Variants in LAIR1 observed in about 807,000 individuals in gnomAD.
LAIR1 encodes the protein leukocyte associated immunoglobulin like receptor 1, also known as leukocyte-associated immunoglobulin-like receptor 1.
In LAIR1, 24 loss-of-function variants were observed where a neutral mutation model predicts 32.8. The observed-to-expected ratio is 0.73, with a 90% CI of 0.53 to 1.03. The LOEUF is 1.03. LAIR1 is among the 50% of genes least tolerant of loss of function. The pLI is 0.00. For synonymous variants in LAIR1, 150 were observed against 140.5 expected (o/e 1.07, Z -0.48); for missense variants, 355 against 347.5 (o/e 1.02, Z -0.17).
At position 54,356,201 on chromosome 19, in the gene LAIR1, C is replaced by A. The variant is rs760778161; in HGVS notation, c.664+29G>T. On this transcript the variant is annotated intron_variant, in intron 8 of 9. Transcript: ENST00000391742. ...GCACCAAGTCCCCACTTCCCCATCC[C>A]AGGCCTGTCCCTCCTCCTCCCCCTT... 8 of 1,604,358 alleles carry A rather than the reference C, an allele frequency of 5.0e-6. No individual in the cohort carries two copies. The East Asian group carries it at 8.9e-5, about 18-fold the overall frequency.
In LAIR1 at chr19:54,351,568, A is replaced by G. The variant is rs1395638918; in HGVS notation, c.*3700T>C. 6.6e-6 allele frequency: 1 copy of G among 152,222 alleles called. No individual in the cohort carries two copies. The highest frequency in any genetic ancestry group is 1.5e-5 in the Non-Finnish European group (1 of 68,040). The allele number at this position is 152,222 out of a possible 1,614,324, so 9.4% of individuals were successfully genotyped here. On this transcript the variant is annotated 3_prime_UTR_variant, in exon 10 of 10. Coordinates refer to ENST00000391742, the MANE Select transcript of LAIR1 (RefSeq NM_002287.6). ...CACTCATCACAGAAAGTTTTCAGAG[A>G]CTAACTGGCATCACCAACCAAAACA...
At chr19:54,375,627 A>G in the LAIR1 span, among the ~76,000 whole-genome samples, 1 of 152,146 alleles carries the variant, frequency 6.6e-6, no homozygotes, top group Admixed American at 6.5e-5. Flanking sequence ...TCAGACTTGA[A>G]GGAGACGGCG....
Position 54,364,266 on chromosome 19 carries a change from T to A in LAIR1, c.70+29A>T. ...CTGCCCTTGGGGTGACAGAGGGGAC[T>A]GGGAAGATGGGACGAAGGCATGACT... On this transcript the variant is annotated intron_variant, in intron 2 of 9. Transcript: ENST00000391742. The surrounding 1 kb of genome is among the most constrained non-coding windows in gnomAD (Gnocchi z 4.8). 2 of 1,605,528 alleles carry A rather than the reference T, an allele frequency of 1.2e-6. No individual in the cohort carries two copies. Among genetic ancestry groups the A allele is most frequent in the Non-Finnish European group, 1.7e-6 (2 of 1,172,744 alleles).
At chr19:54,358,037 A>G (rs879368321) in intron 4 of LAIR1, 1 of 148,754 alleles carries the variant, frequency 6.7e-6, no homozygotes, top group Admixed American at 6.7e-5. Context: ...TTAATTATGT[A>G]ATCTTGACAT....
rs566154859 is a variant in LAIR1, at chr19:54,351,879, G to A, written c.*3389C>T. 2 of 135,464 alleles carry A rather than the reference G, an allele frequency of 1.5e-5. No individual in the cohort carries two copies. The allele number at this position is 135,464 out of a possible 1,614,324, so 8.4% of individuals were successfully genotyped here. A position where few individuals can be genotyped will look rare whatever the true frequency, so the allele number is the denominator to read the frequency against. On this transcript the variant is annotated 3_prime_UTR_variant, in exon 10 of 10. Transcript: ENST00000391742. Reference sequence around the variant, plus strand: ...GTTTTACACTAAAAGGTAAAAAAAAGTTAAAAAAAAGAAAAAAAAAGTCCA... The same window carrying A: ...GTTTTACACTAAAAGGTAAAAAAAAATTAAAAAAAAGAAAAAAAAAGTCCA...
chr19:54,356,654 C>T (rs773519003), intron 5 of LAIR1, 35 bp from the exon 6 acceptor site: 1 of 1,608,386 alleles, frequency 6.2e-7, no homozygotes, highest in South Asian at 1.1e-5. Flanking sequence ...CAGCAGTGTG[C>T]ATTTATTGAG....
intron 2 of LAIR1, among the ~76,000 whole-genome samples, chr19:54,362,811 A>T (rs1569200402): frequency 6.6e-6 from 1 of 151,860 alleles, no homozygotes; most frequent in Admixed American, 6.6e-5. Context: ...AAAATGAATT[A>T]TTTTTTTTCA....
rs10423634 is a variant in LAIR1 at position 54,359,305 on chromosome 19, G to A, written c.415+717C>T. On this transcript the variant is annotated intron_variant, in intron 4 of 9. Transcript: ENST00000391742. Reference sequence around the variant, plus strand: ...GGGAGTTTCTGGTCACAGATCACAGGGGGAGATGGACAACTTGAGACCCAG... The same window carrying A: ...GGGAGTTTCTGGTCACAGATCACAGAGGGAGATGGACAACTTGAGACCCAG... Among the ~76,000 whole-genome samples the A allele has an allele frequency of 4.9e-3, 738 of 151,876 alleles. 20 individuals are homozygous for A. Among genetic ancestry groups the A allele is most frequent in the African/African-American group, 0.016 (641 of 41,156 alleles).
chr19:54,374,319 T>C (rs752480018), upstream of LAIR1, among the ~76,000 whole-genome samples: 3 of 152,110 alleles, frequency 2.0e-5, no homozygotes, highest in Admixed American at 2.0e-4. Flanking sequence ...CCCATGCACG[T>C]CTTAGCTAAC....
chr19:54,361,902 T>A (rs1296559973), intron 2 of LAIR1, among the ~76,000 whole-genome samples: 1 of 152,022 alleles, frequency 6.6e-6, no homozygotes, highest in African/African-American at 2.4e-5. Flanking sequence ...TTATCTCAAC[T>A]GGGCTTGGGG....
chr19:54,360,674 A>ATGC (rs1246002385), intron 3 of LAIR1: 2 of 559,974 alleles, frequency 3.6e-6, no homozygotes, highest in African/African-American at 3.7e-5. Flanking sequence ...AGCCCACCAG[A>ATGC]TGCTGGAGCT....
intron 4 of LAIR1, chr19:54,358,387 A>ATG: frequency 8.4e-6 from 1 of 119,400 alleles, no homozygotes; most frequent in Non-Finnish European, 1.3e-5. Flanking sequence ...TATATATATA[A>ATG]TATATATATA....
At chr19:54,363,777 G>A (rs2082132576) in intron 2 of LAIR1, among the ~76,000 whole-genome samples, 1 of 152,170 alleles carries the variant, frequency 6.6e-6, no homozygotes, top group Non-Finnish European at 1.5e-5. Context: ...GTAGAATGGT[G>A]GTTATTGGAG....
chr19:54,361,127 G>GC lies in LAIR1; in HGVS notation c.152dup (p.Val53GlyfsTer13). 1.9e-6 allele frequency: 3 copies of GC among 1,614,158 alleles called. No individual in the cohort carries two copies. The highest frequency in any genetic ancestry group is 2.5e-6 in the Non-Finnish European group (3 of 1,180,014). The stretch of plus-strand genomic sequence containing the variant: ...GGCGGAATGTTTGAACCCCAACCGG[G>GC]CCCCGGCACACGAAAGTCACATGGC... On this transcript the variant is annotated frameshift_variant, in exon 3 of 10. Coordinates refer to ENST00000391742, the MANE Select transcript of LAIR1 (RefSeq NM_002287.6). LOFTEE classifies it high-confidence loss of function.
In LAIR1 at chr19:54,363,020, G is replaced by GAA. The variant is rs79699294; in HGVS notation, c.70+1273_70+1274dup. Among the ~76,000 whole-genome samples the GAA allele has an allele frequency of 3.0e-4, 40 of 134,744 alleles. 1 individual carries two copies. The highest frequency in any genetic ancestry group is 2.8e-3 in the South Asian group (12 of 4,320). The allele number at this position is 134,744 out of a possible 152,430, so 88.4% of individuals were successfully genotyped here. On this transcript the variant is annotated intron_variant, in intron 2 of 9. Transcript: ENST00000391742. ...AAGATAAACAGGGGAAGGGCTCTGA[G>GAA]AAAAAAAAAAAAAGATTTCATCTTA...
chr19:54,366,118 G>C (rs935822530), upstream of LAIR1, among the ~76,000 whole-genome samples: 6 of 152,128 alleles, frequency 3.9e-5, no homozygotes, highest in African/African-American at 1.4e-4. Context: ...GGGCTGGGAG[G>C]AGGGGGAAAT....
chr19:54,375,033 G>T (rs1722105784), upstream of LAIR1, among the ~76,000 whole-genome samples: 1 of 152,140 alleles, frequency 6.6e-6, no homozygotes, highest in Non-Finnish European at 1.5e-5. Flanking sequence ...CTCAGCTCTG[G>T]AAGAGAAATC....
At chr19:54,365,596 G>A (rs2122596892), upstream of LAIR1, among the ~76,000 whole-genome samples, 1 of 152,282 alleles carries the variant, frequency 6.6e-6, no homozygotes, top group East Asian at 1.9e-4. Flanking sequence ...TTCGAGACCA[G>A]CCTGGCCAAC....
rs1398237902 is a variant in LAIR1 at position 54,353,909 on chromosome 19, A to T, written c.*1359T>A. 7.0e-6 allele frequency: 1 copy of T among 143,182 alleles called. No homozygotes were observed. Among genetic ancestry groups the T allele is most frequent in the African/African-American group, 2.6e-5 (1 of 39,208 alleles). 8.9% of individuals were successfully genotyped at this position (143,182 alleles called of 1,614,324 possible). On this transcript the variant is annotated 3_prime_UTR_variant, in exon 10 of 10. Coordinates refer to ENST00000391742, the MANE Select transcript of LAIR1 (RefSeq NM_002287.6). ...CACCACACCCGGCTAATTTTTTTGT[A>T]TTTTTAGTAGAGATGGGGTTTCACC...
Sources: gnomAD v4.1 joint callset for allele counts (sites outside exome capture counted in the v4.1 genomes callset) on GRCh38, gnomAD v4.1.1 for gene constraint, Gnocchi (gnomAD v3.1) non-coding constraint, MANE v1.5 for transcripts, NCBI Gene and HGNC (gene_info 2026-07-23, HGNC 2026-07-21) for gene names.